The following SMOC2 variants were observed in gnomAD, a reference collection of about 807,000 sequenced individuals.
SMOC2 encodes SPARC-related modular calcium-binding protein 2.
Under a neutral mutation model 61.4 loss-of-function variants are expected in SMOC2, and 39 were observed. That is an observed-to-expected ratio of 0.64 (90% CI 0.49 to 0.83). The LOEUF is 0.83. Among genes scored for constraint, SMOC2 ranks in the 40% least tolerant of loss-of-function variants. The pLI, the probability that SMOC2 is intolerant of heterozygous loss-of-function variation, is 0.00. For missense variants in SMOC2, 556 were observed against 592.9 expected (o/e 0.94, Z 0.65); for synonymous variants, 247 against 239.9 (o/e 1.03, Z -0.27).
At chr6:168,493,268 C>A (rs899849869) in intron 1 of SMOC2, among the ~76,000 whole-genome samples, 4 of 152,136 alleles carry the variant, frequency 2.6e-5, no homozygotes, top group Admixed American at 2.6e-4. Context: ...AACTCCTGAT[C>A]TCAGGAGATC....
chr6:168,487,778 C>T (rs1782369090), intron 1 of SMOC2, among the ~76,000 whole-genome samples: 1 of 152,326 alleles, frequency 6.6e-6, no homozygotes. Context: ...ACTGGGATTA[C>T]AGGCATGAGC....
At chr6:168,506,843 GTTCTTTTAACACATAGTGAA>G (rs1782882977) in intron 1 of SMOC2, among the ~76,000 whole-genome samples, 2 of 152,174 alleles carry the variant, frequency 1.3e-5, no homozygotes, top group Non-Finnish European at 2.9e-5. Flanking sequence ...TCTCAACCGA[GTTCTTTTAACACATAGTGAA>G]TTCTTTGCAA....
rs191948473 is a variant in SMOC2 at position 168,544,705 on chromosome 6, C to T, written c.511+1033C>T. Among the ~76,000 whole-genome samples, 5 of 152,168 alleles carry T rather than the reference C, an allele frequency of 3.3e-5. No homozygotes were observed. The highest frequency in any genetic ancestry group is 3.9e-4 in the East Asian group (2 of 5,172). On this transcript the variant is annotated intron_variant, in intron 5 of 12. Transcript: ENST00000356284. This position sits in a 1 kb window ranked among gnomAD's most constrained non-coding sequence, Gnocchi z 4.1. ...AAAACAAAATAATAAAAATAAAAAT[C>T]GGAGTTTTATTCAACCAATCCCTTC...
At position 168,453,828 on chromosome 6, in the gene SMOC2, GTCTC is replaced by G. The variant is rs1224632572; in HGVS notation, c.84+12378_84+12381del. Among the ~76,000 whole-genome samples, 3 of 146,168 alleles carry G rather than the reference GTCTC, an allele frequency of 2.1e-5. No homozygotes were observed. Among genetic ancestry groups the G allele is most frequent in the African/African-American group, 5.1e-5 (2 of 39,010 alleles). ...CCATCTCTGTCCTCTATCTCTCTCC[GTCTC>G]TCTGTTTGTCTCTCATTCTTTCTCT... On this transcript the variant is annotated intron_variant, in intron 1 of 12. Transcript: ENST00000356284. The surrounding 1 kb of genome is among the most constrained non-coding windows in gnomAD (Gnocchi z 4.4).
At chr6:168,579,893 T>A (rs117379772) in intron 7 of SMOC2, among the ~76,000 whole-genome samples, 1 of 152,328 alleles carries the variant, frequency 6.6e-6, no homozygotes, top group Non-Finnish European at 1.5e-5. Flanking sequence ...AAGCTTATGT[T>A]GGTGTGGTTG....
intron 9 of SMOC2, among the ~76,000 whole-genome samples, chr6:168,628,318 C>T (rs572125867): frequency 2.6e-5 from 4 of 152,258 alleles, no homozygotes; most frequent in South Asian, 2.1e-4. Context: ...AAATAAAAAC[C>T]GAGGGCTGGA....
At chr6:168,457,597 C>T (rs934385905) in intron 1 of SMOC2, among the ~76,000 whole-genome samples, 2 of 152,224 alleles carry the variant, frequency 1.3e-5, no homozygotes, top group African/African-American at 4.8e-5. Flanking sequence ...TCACGTCCTT[C>T]CAGCCGTGCT....
chr6:168,598,369 G>T (rs180867232), intron 7 of SMOC2, among the ~76,000 whole-genome samples: 10 of 152,190 alleles, frequency 6.6e-5, no homozygotes, highest in Admixed American at 6.5e-4. Context: ...GTCTAAACAC[G>T]ACCTTGCCCT....
At chr6:168,518,704 G>T (rs901803012) in intron 2 of SMOC2, among the ~76,000 whole-genome samples, 1 of 149,562 alleles carries the variant, frequency 6.7e-6, no homozygotes, top group Non-Finnish European at 1.5e-5. Flanking sequence ...GAGCGTGCAT[G>T]TGTGAGTGTT....
chr6:168,501,308 A>C (rs1305060333), intron 1 of SMOC2, among the ~76,000 whole-genome samples: 1 of 152,194 alleles, frequency 6.6e-6, no homozygotes, highest in Non-Finnish European at 1.5e-5. Context: ...TGAAATTAAC[A>C]TGGATGTGGA....
intron 4 of SMOC2, among the ~76,000 whole-genome samples, chr6:168,539,113 C>A (rs1783818249): frequency 6.6e-6 from 1 of 152,172 alleles, no homozygotes; most frequent in East Asian, 1.9e-4. Flanking sequence ...ACATGAAATG[C>A]CCGCATGTCC....
intron 9 of SMOC2, among the ~76,000 whole-genome samples, chr6:168,618,857 A>G (rs10806687): frequency 0.71 from 107,692 of 152,070 alleles, 38,316 homozygotes; most frequent in Admixed American, 0.76. Flanking sequence ...CAGCGATGGC[A>G]GGAAAGCTGG....
chr6:168,482,119 A>T (rs1782219964), intron 1 of SMOC2, among the ~76,000 whole-genome samples: 1 of 151,982 alleles, frequency 6.6e-6, no homozygotes, highest in South Asian at 2.1e-4. Context: ...CTTTGAAAAG[A>T]TCAATAAAAT....
At chr6:168,640,410 C>T (rs570247811) in intron 9 of SMOC2, among the ~76,000 whole-genome samples, 17 of 152,210 alleles carry the variant, frequency 1.1e-4, no homozygotes, top group East Asian at 7.7e-4. Flanking sequence ...CTGCTGCAGA[C>T]GCTGAGGGGC....
chr6:168,556,392 C>T (rs1270536762), intron 7 of SMOC2, among the ~76,000 whole-genome samples: 1 of 152,196 alleles, frequency 6.6e-6, no homozygotes, highest in African/African-American at 2.4e-5. Context: ...CGGTCCCCAG[C>T]AGCCCACCCT....
At chr6:168,515,447 C>T (rs907559356) in intron 2 of SMOC2, among the ~76,000 whole-genome samples, 3 of 44,238 alleles carry the variant, frequency 6.8e-5, no homozygotes, top group South Asian at 2.0e-3. Flanking sequence ...GGAGAGGCTC[C>T]GTCCGCTTTC....
intron 9 of SMOC2, among the ~76,000 whole-genome samples, chr6:168,647,266 G>C (rs1294317262): frequency 6.6e-6 from 1 of 152,196 alleles, no homozygotes; most frequent in Non-Finnish European, 1.5e-5. Flanking sequence ...GTATTTACAG[G>C]GGCCGTTAGA....
intron 1 of SMOC2, among the ~76,000 whole-genome samples, chr6:168,483,198 C>T (rs552803821): frequency 1.3e-5 from 2 of 152,090 alleles, no homozygotes; most frequent in South Asian, 2.1e-4. Context: ...CATACACACA[C>T]ACACACAAAA....
At chr6:168,547,949 G>T (rs930694126) in intron 6 of SMOC2, among the ~76,000 whole-genome samples, 2 of 152,092 alleles carry the variant, frequency 1.3e-5, no homozygotes, top group Admixed American at 1.3e-4. Context: ...TACATTTCAC[G>T]TCTTTACAAG....
Sources: gnomAD v4.1 joint callset for allele counts (sites outside exome capture counted in the v4.1 genomes callset) on GRCh38, gnomAD v4.1.1 for gene constraint, Gnocchi (gnomAD v3.1) non-coding constraint, MANE v1.5 for transcripts, NCBI Gene and HGNC (gene_info 2026-07-23, HGNC 2026-07-21) for gene names.